Variants in LZTS1 observed in about 807,000 individuals in gnomAD.
The protein encoded by LZTS1 is leucine zipper tumor suppressor 1.
In LZTS1, 31 loss-of-function variants were observed where a neutral mutation model predicts 45.8. That is an observed-to-expected ratio of 0.68 (90% CI 0.51 to 0.91). LZTS1 has a LOEUF of 0.91. LZTS1 is among the 40% of genes least tolerant of loss of function. LZTS1 has a pLI of 0.00. For missense variants in LZTS1, 821 were observed against 788.9 expected, an observed-to-expected ratio of 1.04 and a Z score of -0.49; for synonymous variants, 359 against 357.3, an observed-to-expected ratio of 1.00 and a Z score of -0.05.
chr8:20,291,292 C>G (rs943102608), intron 1 of LZTS1, among the ~76,000 whole-genome samples: 1 of 152,164 alleles, frequency 6.6e-6, no homozygotes, highest in Non-Finnish European at 1.5e-5. Context: ...GGCAGCACAA[C>G]CTGACCCTAA....
At chr8:20,299,636 C>T (rs548579051) in intron 1 of LZTS1, among the ~76,000 whole-genome samples, 4 of 152,168 alleles carry the variant, frequency 2.6e-5, no homozygotes, top group Admixed American at 6.5e-5. Flanking sequence ...AAACTTAAAT[C>T]GCCATGGAGC....
At position 20,253,151 on chromosome 8, in the gene LZTS1, C is replaced by T. The variant is rs573007003; in HGVS notation, c.780G>A (p.Glu260=). 7 of 1,613,306 alleles carry T rather than the reference C, an allele frequency of 4.3e-6. No individual in the cohort carries two copies. The highest frequency in any genetic ancestry group is 5.9e-6 in the Non-Finnish European group (7 of 1,180,022). ...TCTGCTCCAGCTCCTGGATGCTGCA[C>T]TCGTCCGTGGAGATGGGGGAGCGGA... ...SCVRSPISTD[E]CSIQELEQKL... Residue 260 remains glutamate, a synonymous_variant, in exon 3 of 4, where the codon GAG becomes GAA. Transcript: ENST00000381569.
intron 1 of LZTS1, among the ~76,000 whole-genome samples, chr8:20,255,990 G>A (rs962984751): frequency 4.2e-5 from 6 of 144,188 alleles, no homozygotes; most frequent in South Asian, 4.5e-4. Flanking sequence ...TGGGAGAATC[G>A]TCTGAGCCCC....
At chr8:20,251,145 A>ATATG (rs1292716216) in intron 3 of LZTS1, among the ~76,000 whole-genome samples, 1 of 112,976 alleles carries the variant, frequency 8.9e-6, no homozygotes, top group Non-Finnish European at 1.9e-5. Flanking sequence ...ATATATATAT[A>ATATG]TATAAAATAT....
chr8:20,259,492 G>A (rs1041342797), intron 1 of LZTS1, among the ~76,000 whole-genome samples: 2 of 152,102 alleles, frequency 1.3e-5, no homozygotes, highest in African/African-American at 4.8e-5. Flanking sequence ...TCCCCAGTCT[G>A]TTCATCAGAC....
In LZTS1 at chr8:20,249,712, A is replaced by T. The variant is rs201778528; in HGVS notation, c.*10T>A. 595 of 1,589,626 alleles carry T rather than the reference A, an allele frequency of 3.7e-4. 5 individuals are homozygous for T. In the African/African-American group the frequency reaches 7.5e-3, roughly 20 times the overall value. Reference sequence around the variant, plus strand: ...GCCAGGTCCCCAGACTCGCCTTCCCAGGCAGCCCCTCAGATCTCAGTGGCT... The same window carrying T: ...GCCAGGTCCCCAGACTCGCCTTCCCTGGCAGCCCCTCAGATCTCAGTGGCT... On this transcript the variant is annotated 3_prime_UTR_variant, in exon 4 of 4. Transcript: ENST00000381569.
At chr8:20,257,047 T>C (rs746794008) in intron 1 of LZTS1, among the ~76,000 whole-genome samples, 9 of 152,076 alleles carry the variant, frequency 5.9e-5, no homozygotes, top group Non-Finnish European at 1.3e-4. Context: ...AAGAAATTGT[T>C]TCCTAAAAAT....
intron 1 of LZTS1, among the ~76,000 whole-genome samples, chr8:20,284,449 GGAT>G (rs1800751755): frequency 6.6e-6 from 1 of 152,148 alleles, no homozygotes; most frequent in Non-Finnish European, 1.5e-5. Flanking sequence ...TCAGAGCAGA[GGAT>G]GAGAAAGAAG....
intron 1 of LZTS1, among the ~76,000 whole-genome samples, chr8:20,282,123 C>T (rs1800704353): frequency 6.6e-6 from 1 of 152,208 alleles, no homozygotes; most frequent in Non-Finnish European, 1.5e-5. Context: ...CTTTTCTAGT[C>T]ACCACGAGGG....
chr8:20,254,489 C>T (rs1018322834), intron 2 of LZTS1, among the ~76,000 whole-genome samples: 1 of 152,212 alleles, frequency 6.6e-6, no homozygotes, highest in Non-Finnish European at 1.5e-5. Flanking sequence ...CAGATGAGAA[C>T]AGGGCTCCCT....
intron 3 of LZTS1, among the ~76,000 whole-genome samples, chr8:20,250,755 T>C (rs1659335453): frequency 6.6e-6 from 1 of 151,896 alleles, no homozygotes; most frequent in African/African-American, 2.4e-5. Context: ...CCTGCCACCA[T>C]GCCTGGCTGA....
At chr8:20,301,951 T>G (rs1046497425) in intron 1 of LZTS1, among the ~76,000 whole-genome samples, 1 of 152,148 alleles carries the variant, frequency 6.6e-6, no homozygotes, top group Admixed American at 6.6e-5. Context: ...CCCTTTTGCT[T>G]GCATATAGAC....
chr8:20,262,625 C>G (rs1278100493), intron 1 of LZTS1, among the ~76,000 whole-genome samples: 1 of 152,144 alleles, frequency 6.6e-6, no homozygotes, highest in Non-Finnish European at 1.5e-5. Flanking sequence ...GTGCTGAGGT[C>G]TGTATGAACT....
chr8:20,256,732 T>C (rs1264346225), intron 1 of LZTS1, among the ~76,000 whole-genome samples: 1 of 151,892 alleles, frequency 6.6e-6, no homozygotes, highest in African/African-American at 2.4e-5. Context: ...AGAGAGGAGT[T>C]TGGTTGAAGA....
At chr8:20,277,771 T>G (rs893558718) in intron 1 of LZTS1, among the ~76,000 whole-genome samples, 1 of 152,182 alleles carries the variant, frequency 6.6e-6, no homozygotes. Context: ...AAGAATCTGG[T>G]GCAAGATCCA....
intron 1 of LZTS1, among the ~76,000 whole-genome samples, chr8:20,283,609 GTT>G (rs954969039): frequency 6.6e-6 from 1 of 152,176 alleles, no homozygotes; most frequent in African/African-American, 2.4e-5. Context: ...CAGACAGCCT[GTT>G]TCTACTTCAG....
chr8:20,257,501 T>A (rs537261001), intron 1 of LZTS1, among the ~76,000 whole-genome samples: 1 of 152,096 alleles, frequency 6.6e-6, no homozygotes, highest in Non-Finnish European at 1.5e-5. Context: ...ATTGAGAAGA[T>A]TCAAGAGAGA....
chr8:20,271,710 C>T lies in LZTS1; in HGVS notation c.-134-16395G>A, dbSNP rs534532519. ...CACCAGTGCAGGGATGGTGGAAAAG[C>T]GCCTCTCCCTCCCCCTTGCCTTCCT... On this transcript the variant is annotated intron_variant, in intron 1 of 3. Transcript: ENST00000381569. Among the ~76,000 whole-genome samples the T allele has an allele frequency of 1.1e-4, 17 of 152,362 alleles. No individual in the cohort carries two copies. The South Asian group carries it at 1.7e-3, about 15-fold the overall frequency.
intron 1 of LZTS1, among the ~76,000 whole-genome samples, chr8:20,257,668 C>CTTTT (rs749462919): frequency 1.5e-5 from 2 of 129,144 alleles, no homozygotes; most frequent in African/African-American, 2.9e-5. Flanking sequence ...CACCCTTAAA[C>CTTTT]TTTTTTTTTT....
Sources: gnomAD v4.1 joint callset for allele counts (sites outside exome capture counted in the v4.1 genomes callset) on GRCh38, gnomAD v4.1.1 for gene constraint, MANE v1.5 for transcripts, NCBI Gene and HGNC (gene_info 2026-07-23, HGNC 2026-07-21) for gene names.